Variants in NUAK1 observed in about 807,000 individuals in gnomAD.
NUAK1 encodes NUAK family kinase 1.
In NUAK1, 26 loss-of-function variants were observed where a neutral mutation model predicts 56.9. That is an observed-to-expected ratio of 0.46 (90% CI 0.33 to 0.63). NUAK1 has a LOEUF of 0.63. NUAK1 is among the 30% of genes least tolerant of loss of function. NUAK1 has a pLI of 0.02. For missense variants in NUAK1, 727 were observed against 876.1 expected, an observed-to-expected ratio of 0.83 and a Z score of 2.15; for synonymous variants, 337 against 336.0, an observed-to-expected ratio of 1.00 and a Z score of -0.03.
At chr12:106,105,834 G>A (rs969579649) in intron 2 of NUAK1, 1 of 152,194 alleles carries the variant, frequency 6.6e-6, no homozygotes, top group Non-Finnish European at 1.5e-5. Context: ...GAAGGACCAA[G>A]GAGTTGAACT....
intron 1 of NUAK1, among the ~76,000 whole-genome samples, chr12:106,119,164 G>T (rs148206113): frequency 1.3e-5 from 2 of 152,158 alleles, no homozygotes; most frequent in Non-Finnish European, 2.9e-5. Context: ...GGTTTTTCCT[G>T]GTTTTAATTA....
At chr12:106,082,692 G>A (rs982471957) in intron 4 of NUAK1, among the ~76,000 whole-genome samples, 7 of 152,216 alleles carry the variant, frequency 4.6e-5, no homozygotes, top group Admixed American at 1.3e-4. Context: ...GCAAGAGCAA[G>A]AGGTCACTGG....
intron 2 of NUAK1, among the ~76,000 whole-genome samples, chr12:106,101,429 C>T (rs11832418): frequency 2.6e-5 from 4 of 152,086 alleles, no homozygotes; most frequent in Non-Finnish European, 5.9e-5. Context: ...AGTGTCTTTA[C>T]GGAGATAAGT....
At position 106,106,508 on chromosome 12, in the gene NUAK1, A is replaced by G; in HGVS notation, c.258T>C (p.Ile86=). 1 of 1,613,148 alleles carries G rather than the reference A, an allele frequency of 6.2e-7. No individual in the cohort carries two copies. The change falls in exon 2 of 7, where the codon ATT becomes ATC. Residue 86 remains isoleucine, a synonymous_variant. Coordinates refer to ENST00000261402, the MANE Select transcript of NUAK1 (RefSeq NM_014840.3). Reference sequence around the variant, plus strand: ...GTTCATCCTTAATTTTGTCCTTACGAATGGATTTTATAGCAACCTATAAAG... The same window carrying G: ...GTTCATCCTTAATTTTGTCCTTACGGATGGATTTTATAGCAACCTATAAAG... The part of the protein sequence containing the change: ...FSGRVVAIKS[I]RKDKIKDEQD...
chr12:106,093,061 A>T (rs1387076437), intron 2 of NUAK1, among the ~76,000 whole-genome samples: 1 of 152,240 alleles, frequency 6.6e-6, no homozygotes, highest in Non-Finnish European at 1.5e-5. Context: ...AATGACCAGT[A>T]CTTAAAAAAT....
chr12:106,069,277 C>T (rs975786575), intron 6 of NUAK1, among the ~76,000 whole-genome samples: 5 of 152,274 alleles, frequency 3.3e-5, no homozygotes, highest in East Asian at 1.9e-4. Context: ...GTATTCACAG[C>T]GGAGGTCAAA....
chr12:106,087,392 TC>T (rs1164666099), intron 2 of NUAK1, among the ~76,000 whole-genome samples: 2 of 152,118 alleles, frequency 1.3e-5, no homozygotes, highest in African/African-American at 4.8e-5. Flanking sequence ...TCGTGCACGA[TC>T]CCATGGGCCC....
In NUAK1 at chr12:106,077,704, C is replaced by T. The variant is rs144644692; in HGVS notation, c.580-4861G>A. On this transcript the variant is annotated intron_variant, in intron 4 of 6. Coordinates refer to ENST00000261402, the MANE Select transcript of NUAK1 (RefSeq NM_014840.3). Reference sequence around the variant, plus strand: ...CGGACCAGCAGCATTAGCATCACCTCGGAACATTTCAGAAACTGAGACACT... The same window carrying T: ...CGGACCAGCAGCATTAGCATCACCTTGGAACATTTCAGAAACTGAGACACT... Among the ~76,000 whole-genome samples the T allele has an allele frequency of 7.2e-5, 11 of 152,290 alleles. No homozygotes were observed. The East Asian group carries it at 1.4e-3, about 19-fold the overall frequency.
intron 2 of NUAK1, among the ~76,000 whole-genome samples, chr12:106,100,722 C>T (rs1009444726): frequency 1.6e-4 from 24 of 152,208 alleles, no homozygotes; most frequent in Non-Finnish European, 2.9e-5. Flanking sequence ...CCGGTTAGTA[C>T]AGCTCAAGAT....
chr12:106,072,689 T>C, intron 5 of NUAK1, 35 bp downstream of exon 5: 1 of 1,557,408 alleles, frequency 6.4e-7, no homozygotes, highest in Non-Finnish European at 8.8e-7. Flanking sequence ...CTCCCTCCCC[T>C]CCCCTGCCCC....
intron 1 of NUAK1, among the ~76,000 whole-genome samples, chr12:106,121,622 T>A (rs1454893383): frequency 1.3e-5 from 2 of 152,086 alleles, no homozygotes; most frequent in Non-Finnish European, 2.9e-5. Flanking sequence ...TGGTGGCGGG[T>A]GCCTGCAATC....
Position 106,138,424 on chromosome 12 carries a change from G to A in NUAK1, c.230C>T (p.Ser77Phe). ...GKVKRATERF[S>F]GRVVAIKSIR... ...GATTGCCCCACTCACCACTCGGCCA[G>A]AAAACCTCTCGGTGGCCCGCTTGAC... Residue 77 changes from serine to phenylalanine, a missense_variant, in exon 1 of 7, where the codon TCT becomes TTT. Transcript: ENST00000261402. The surrounding 1 kb of genome is among the most constrained non-coding windows in gnomAD (Gnocchi z 5.0). 1 of 1,609,678 alleles carries A rather than the reference G, an allele frequency of 6.2e-7. No individual in the cohort carries two copies. The highest frequency in any genetic ancestry group is 1.1e-5 in the South Asian group (1 of 90,840).
chr12:106,073,545 G>T (rs1467484144), intron 4 of NUAK1, among the ~76,000 whole-genome samples: 3 of 152,130 alleles, frequency 2.0e-5, no homozygotes, highest in African/African-American at 7.2e-5. Flanking sequence ...GGATCATCAT[G>T]AGAATAATAA....
chr12:106,120,453 C>T (rs1261851280), intron 1 of NUAK1, among the ~76,000 whole-genome samples: 4 of 151,746 alleles, frequency 2.6e-5, no homozygotes, highest in East Asian at 1.9e-4. Flanking sequence ...TATGCAGAGG[C>T]GTGTGCAAAT....
Position 106,067,596 on chromosome 12 carries a change from T to C in NUAK1, c.1192A>G (p.Lys398Glu). 6.2e-7 allele frequency: 1 copy of C among 1,614,232 alleles called. No individual in the cohort carries two copies. Among genetic ancestry groups the C allele is most frequent in the Admixed American group, 1.7e-5 (1 of 60,034 alleles). Residue 398 changes from lysine (K) to glutamate (E), a missense_variant, in exon 7 of 7, where the codon AAG (lysine) becomes GAG (glutamate). Physicochemically the swap from Lys to Glu is moderately conservative, Grantham distance 56. Coordinates refer to ENST00000261402, the MANE Select transcript of NUAK1 (RefSeq NM_014840.3). This position sits in a 1 kb window ranked among gnomAD's most constrained non-coding sequence, Gnocchi z 6.0. ...SPSKLSSKRP[K>E]GILKKRSNSE... ...TTGCTTCGCTTCTTCAGGATCCCCT[T>C]GGGCCTCTTAGAACTCAACTTGGAT...
intron 1 of NUAK1, among the ~76,000 whole-genome samples, chr12:106,123,683 C>G (rs1031568213): frequency 6.6e-6 from 1 of 152,146 alleles, no homozygotes; most frequent in Admixed American, 6.5e-5. Flanking sequence ...TGTGCTTGGG[C>G]TGGAATTTTT....
chr12:106,126,198 C>T (rs1015996466), intron 1 of NUAK1, among the ~76,000 whole-genome samples: 1 of 152,186 alleles, frequency 6.6e-6, no homozygotes, highest in African/African-American at 2.4e-5. Flanking sequence ...TGAAGATCTT[C>T]AAATGTCAGG....
chr12:106,105,356 A>C (rs975312327), intron 2 of NUAK1, among the ~76,000 whole-genome samples: 1 of 152,234 alleles, frequency 6.6e-6, no homozygotes, highest in Non-Finnish European at 1.5e-5. Flanking sequence ...ATCAGAAATG[A>C]ATGTCAAAAT....
At chr12:106,081,797 C>T (rs2032520198) in intron 4 of NUAK1, among the ~76,000 whole-genome samples, 1 of 152,220 alleles carries the variant, frequency 6.6e-6, no homozygotes, top group East Asian at 1.9e-4. Context: ...AACCCAACCC[C>T]TAGGCAAGAG....
Sources: gnomAD v4.1 joint callset for allele counts (sites outside exome capture counted in the v4.1 genomes callset) on GRCh38, gnomAD v4.1.1 for gene constraint, Gnocchi (gnomAD v3.1) non-coding constraint, MANE v1.5 for transcripts, NCBI Gene and HGNC (gene_info 2026-07-23, HGNC 2026-07-21) for gene names.